The following ZMAT1 variants were observed in gnomAD, a reference collection of about 807,000 sequenced individuals.
The protein encoded by ZMAT1 is zinc finger matrin-type 1, also known as zinc finger matrin-type protein 1.
ZMAT1 carries 11 observed loss-of-function variants against 18.5 expected under a neutral mutation model. The observed-to-expected ratio is 0.59, with a 90% CI of 0.37 to 0.98. The LOEUF (loss-of-function observed/expected upper bound fraction) is 0.98, where lower values mean the gene tolerates loss of function less well. Ranked by LOEUF, ZMAT1 falls within the 50% of genes least tolerant of loss-of-function variation. The pLI is 0.01. For missense variants in ZMAT1, 525 were observed against 496.2 expected, an observed-to-expected ratio of 1.06 and a Z score of -0.55; for synonymous variants, 211 against 176.4, an observed-to-expected ratio of 1.20 and a Z score of -1.55.
chrX:101,909,107 A>T (rs1216475913), intron 1 of ZMAT1, among the ~76,000 whole-genome samples: 2 of 109,612 alleles, frequency 1.8e-5, no homozygotes, highest in Non-Finnish European at 3.8e-5. Context: ...CACCAGTCAG[A>T]GCTGTGAGGA....
chrX:101,896,116 G>T (rs1042950539), intron 4 of ZMAT1, among the ~76,000 whole-genome samples: 2 of 111,589 alleles, frequency 1.8e-5, no homozygotes, highest in South Asian at 7.5e-4. Flanking sequence ...GTAGTATTCT[G>T]TATTAGGCAT....
intron 1 of ZMAT1, among the ~76,000 whole-genome samples, chrX:101,924,067 T>A (rs1190801205): frequency 8.9e-6 from 1 of 112,074 alleles, no homozygotes; most frequent in Non-Finnish European, 1.9e-5. Flanking sequence ...TTTGAATTTT[T>A]TTATGCTACT....
intron 1 of ZMAT1, among the ~76,000 whole-genome samples, chrX:101,924,944 T>G (rs545689957): frequency 3.6e-5 from 4 of 112,501 alleles, no homozygotes; most frequent in Middle Eastern, 4.6e-3. Flanking sequence ...TGAAGCTTGC[T>G]TGGCAATGTA....
At chrX:101,931,429 A>T (rs1447938319) in intron 1 of ZMAT1, 1 of 730,593 alleles carries the variant, frequency 1.4e-6, no homozygotes, top group Non-Finnish European at 1.6e-6. Context: ...ATTATGTGGT[A>T]TTTTTTTTTC....
At position 101,923,311 on chromosome X, in the gene ZMAT1, T is replaced by A. The variant is rs760787670; in HGVS notation, c.292+8406A>T. Among the ~76,000 whole-genome samples, 4 of 112,229 alleles carry A rather than the reference T, an allele frequency of 3.6e-5. No homozygotes were observed. The South Asian group carries it at 1.1e-3, about 31-fold the overall frequency. ...CATTAGTTTTCACCCTGCTATTAACTAGCTGTGTGACTAAGAACATATCAC... is the reference window on the plus strand; with the variant it reads ...CATTAGTTTTCACCCTGCTATTAACAAGCTGTGTGACTAAGAACATATCAC... On this transcript the variant is annotated intron_variant, in intron 1 of 5. Transcript: ENST00000651725.
chrX:101,925,165 A>T (rs1166826007), intron 1 of ZMAT1, among the ~76,000 whole-genome samples: 8 of 112,306 alleles, frequency 7.1e-5, no homozygotes, highest in Admixed American at 9.4e-5. Context: ...CATGACATAA[A>T]CAATCCACTT....
At chrX:101,928,584 C>T (rs775941108) in intron 1 of ZMAT1, among the ~76,000 whole-genome samples, 4 of 112,653 alleles carry the variant, frequency 3.6e-5, no homozygotes, top group Non-Finnish European at 7.5e-5. Flanking sequence ...GTCTCCATCT[C>T]CTGACCTCGC....
Position 101,886,498 on chromosome X carries a change from A to G in ZMAT1, c.776+134T>C, listed in dbSNP as rs1290077713. 9.0e-6 allele frequency: 4 copies of G among 446,645 alleles called. No homozygotes were observed. The East Asian group carries it at 1.2e-4, about 13-fold the overall frequency. The allele number at this position is 446,645 out of a possible 1,213,427, so 36.8% of individuals were successfully genotyped here. On this transcript the variant is annotated intron_variant, in intron 5 of 5. Transcript: ENST00000651725. Reference sequence around the variant, plus strand: ...GGACACTAGTATGCAATATGTTACAAATATTGCCAACCATACCCAGGTTAA... The same window carrying G: ...GGACACTAGTATGCAATATGTTACAGATATTGCCAACCATACCCAGGTTAA...
intron 1 of ZMAT1, among the ~76,000 whole-genome samples, chrX:101,928,959 A>T (rs1930234190): frequency 9.0e-6 from 1 of 111,584 alleles, no homozygotes; most frequent in Non-Finnish European, 1.9e-5. Context: ...TGTCCTACAA[A>T]ATCTCATAAT....
At chrX:101,918,210 G>C (rs1929465141) in intron 1 of ZMAT1, among the ~76,000 whole-genome samples, 2 of 111,312 alleles carry the variant, frequency 1.8e-5, no homozygotes, top group East Asian at 2.8e-4. Flanking sequence ...GGATAAATTA[G>C]GGGATGGATA....
chrX:101,885,250 T>C (rs1926850707), intron 5 of ZMAT1, among the ~76,000 whole-genome samples: 2 of 112,330 alleles, frequency 1.8e-5, no homozygotes, highest in Admixed American at 9.5e-5. Context: ...TAATATTTAA[T>C]GTCCTGACAG....
chrX:101,884,597 A>G lies in ZMAT1; in HGVS notation c.1001T>C (p.Phe334Ser). 1 of 1,211,128 alleles carries G rather than the reference A, an allele frequency of 8.3e-7. No homozygotes were observed. The highest frequency in any genetic ancestry group is 2.2e-5 in the Admixed American group (1 of 45,909). Residue 334 changes from phenylalanine (F) to serine (S), a missense_variant, in exon 6 of 6, where the codon TTC becomes TCC. Physicochemically the swap from Phe to Ser is radical, Grantham distance 155. Coordinates refer to ENST00000651725, the MANE Select transcript of ZMAT1 (RefSeq NM_001394560.1). ...ATTGTATGGTGCTGCGTATGTCCGG[A>G]AAGTCTCAAATGGGAGTCTTTGTTC... ...MFEQRLPFET[F>S]RTYAAPYNIS...
chrX:101,900,178 TTTG>T lies in ZMAT1; in HGVS notation c.400-1961_400-1959del, dbSNP rs770634073. Reference sequence around the variant, plus strand: ...CTTGTTTCTTACTGATTTGTTTGAGTTTGTTGTAGATTCTGGATATCAGTCCTT... The same window carrying T: ...CTTGTTTCTTACTGATTTGTTTGAGTTTGTAGATTCTGGATATCAGTCCTT... On this transcript the variant is annotated intron_variant, in intron 2 of 5. Transcript: ENST00000651725. Among the ~76,000 whole-genome samples, 10 of 111,672 alleles carry T rather than the reference TTTG, an allele frequency of 9.0e-5. No individual in the cohort carries two copies. In the South Asian group the frequency reaches 3.7e-3, roughly 42 times the overall value.
intron 1 of ZMAT1, among the ~76,000 whole-genome samples, 178 bp from the exon 2 acceptor site, chrX:101,904,508 C>T (rs956168571): frequency 1.8e-5 from 2 of 111,743 alleles, no homozygotes; most frequent in African/African-American, 6.5e-5. Flanking sequence ...AAGTATCCCT[C>T]TAATGTCAGA....
chrX:101,892,545 GAC>G (rs945718578), intron 4 of ZMAT1, among the ~76,000 whole-genome samples: 7 of 111,798 alleles, frequency 6.3e-5, no homozygotes, highest in African/African-American at 2.3e-4. Flanking sequence ...TACTAGCAAA[GAC>G]AGAAAACTTG....
At chrX:101,901,318 G>T (rs1380246038) in intron 2 of ZMAT1, among the ~76,000 whole-genome samples, 1 of 110,834 alleles carries the variant, frequency 9.0e-6, no homozygotes, top group African/African-American at 3.3e-5. Flanking sequence ...TTGTCTGATT[G>T]CTCTGGTTAG....
In ZMAT1 at chrX:101,931,809, C is replaced by T; in HGVS notation, c.200G>A (p.Gly67Asp). 1.3e-6 allele frequency: 1 copy of T among 782,450 alleles called. No individual in the cohort carries two copies. Among genetic ancestry groups the T allele is most frequent in the Non-Finnish European group, 1.5e-6 (1 of 659,359 alleles). 64.5% of individuals were successfully genotyped at this position (782,450 alleles called of 1,213,427 possible). The change falls in exon 1 of 6, where the codon GGC (glycine) becomes GAC (aspartate). Residue 67 changes from glycine (G) to aspartate (D), a missense_variant. Physicochemically the swap from Gly to Asp is moderately conservative, Grantham distance 94. Transcript: ENST00000651725. ...GGAGCCGCCAAAGCCGCCGCCGCCG[C>T]CGTCGCCACAGCCACCGGCAGGCGG... ...ACPPAGGCGD[G>D]GGGGFGGSTM...
intron 1 of ZMAT1, among the ~76,000 whole-genome samples, chrX:101,923,942 GA>G (rs1424949889): frequency 9.0e-6 from 1 of 111,284 alleles, no homozygotes; most frequent in Non-Finnish European, 1.9e-5. Context: ...GTCTCATCTG[GA>G]AAAAATACAT....
At chrX:101,911,905 A>G (rs1458020805) in intron 1 of ZMAT1, 6 of 1,205,612 alleles carry the variant, frequency 5.0e-6, no homozygotes, top group Non-Finnish European at 6.7e-6. Flanking sequence ...ACACTGGGGA[A>G]AAGTCCCATG....
Sources: gnomAD v4.1 joint callset for allele counts (sites outside exome capture counted in the v4.1 genomes callset) on GRCh38, gnomAD v4.1.1 for gene constraint, MANE v1.5 for transcripts, NCBI Gene and HGNC (gene_info 2026-07-23, HGNC 2026-07-21) for gene names.